Variants in POLR3A observed in about 807,000 individuals in gnomAD.
POLR3A encodes DNA-directed RNA polymerase III subunit RPC1.
Under a neutral mutation model 152.8 loss-of-function variants are expected in POLR3A, and 112 were observed. That is an observed-to-expected ratio of 0.73 (90% CI 0.63 to 0.86). The LOEUF (loss-of-function observed/expected upper bound fraction) is 0.86. Among genes scored for constraint, POLR3A ranks in the 40% least tolerant of loss-of-function variants. The probability of loss-of-function intolerance (pLI) is 0.00; values close to 1 mark genes in which losing one functional copy is unlikely to be tolerated. For missense variants in POLR3A, 1,385 were observed against 1,743.1 expected (o/e 0.79, Z 3.66); for synonymous variants, 615 against 652.1 (o/e 0.94, Z 0.87).
At position 78,014,102 on chromosome 10, in the gene POLR3A, A is replaced by G. The variant is rs1847493316; in HGVS notation, c.1432-312T>C. On this transcript the variant is annotated intron_variant, in intron 10 of 30. Transcript: ENST00000372371. ...AACCCAGGAGGTGGAGGTTGCAGTG[A>G]GCCAAGATCGCGCCATTGCACCCCA... Among the ~76,000 whole-genome samples the G allele has an allele frequency of 2.0e-5, 3 of 151,768 alleles. No homozygotes were observed. In the South Asian group the frequency reaches 6.3e-4, roughly 32 times the overall value.
At chr10:78,008,947 G>A (rs1847436741) in intron 14 of POLR3A, among the ~76,000 whole-genome samples, 1 of 151,696 alleles carries the variant, frequency 6.6e-6, no homozygotes, top group South Asian at 2.1e-4. Flanking sequence ...GAGGTCAGGA[G>A]TTCAAGACCA....
intron 11 of POLR3A, chr10:78,013,196 A>G (rs1288039547): frequency 1.1e-5 from 3 of 266,482 alleles, no homozygotes; most frequent in Non-Finnish European, 2.2e-5. Flanking sequence ...GAAGTATGTA[A>G]TATAGTTTAG....
intron 19 of POLR3A, 75 bp from the exon 20 acceptor site, chr10:77,993,442 T>C (rs1847269162): frequency 9.4e-7 from 1 of 1,064,020 alleles, no homozygotes; most frequent in African/African-American, 1.6e-5. Flanking sequence ...GATTTGCAAC[T>C]CAAGAGTCTC....
chr10:78,003,722 A>T, intron 16 of POLR3A, among the ~76,000 whole-genome samples: 1 of 152,106 alleles, frequency 6.6e-6, no homozygotes, highest in Non-Finnish European at 1.5e-5. Flanking sequence ...CAGGAGTTCG[A>T]GACCAGGCTG....
chr10:77,987,457 C>A (rs748888324), intron 21 of POLR3A, among the ~76,000 whole-genome samples: 1 of 152,004 alleles, frequency 6.6e-6, no homozygotes, highest in African/African-American at 2.4e-5. Context: ...GGGCAGACTG[C>A]GTACTGTGGT....
At chr10:77,992,324 T>C (rs981551224) in intron 20 of POLR3A, among the ~76,000 whole-genome samples, 2 of 151,364 alleles carry the variant, frequency 1.3e-5, no homozygotes, top group African/African-American at 4.9e-5. Flanking sequence ...CAGGCTGGAA[T>C]GTAGTGGTAA....
Position 77,976,539 on chromosome 10 carries a change from AAC to A in POLR3A, c.*937_*938del, listed in dbSNP as rs1192292208. 1 of 152,228 alleles carries A rather than the reference AAC, an allele frequency of 6.6e-6. No homozygotes were observed. Among genetic ancestry groups the A allele is most frequent in the Non-Finnish European group, 1.5e-5 (1 of 68,054 alleles). 9.4% of individuals were successfully genotyped at this position (152,228 alleles called of 1,614,324 possible). A position where few individuals can be genotyped will look rare whatever the true frequency, so the allele number is the denominator to read the frequency against. On this transcript the variant is annotated 3_prime_UTR_variant, in exon 31 of 31. Coordinates refer to ENST00000372371, the MANE Select transcript of POLR3A (RefSeq NM_007055.4). The stretch of plus-strand genomic sequence containing the variant: ...AGTAGGAAGGGAAAGCACTCATTCT[AAC>A]ACAGATCCAAGAACCAATGGCTACC...
At chr10:78,003,561 A>C (rs911151496) in intron 16 of POLR3A, among the ~76,000 whole-genome samples, 1 of 152,136 alleles carries the variant, frequency 6.6e-6, no homozygotes, top group African/African-American at 2.4e-5. Context: ...CAGGCTGGGG[A>C]TGTGACTATT....
Position 78,006,039 on chromosome 10 carries a change from A to T in POLR3A, c.2075-1151T>A, listed in dbSNP as rs548660553. ...TTCAGGAAGCAAATATAATAAAACTATGAATAATATTCTCTCAGAGTGATC... is the reference window on the plus strand; with the variant it reads ...TTCAGGAAGCAAATATAATAAAACTTTGAATAATATTCTCTCAGAGTGATC... On this transcript the variant is annotated intron_variant, in intron 15 of 30. Coordinates refer to ENST00000372371, the MANE Select transcript of POLR3A (RefSeq NM_007055.4). 2.6e-5 allele frequency among the ~76,000 whole-genome samples: 4 copies of T among 152,324 alleles called. No individual in the cohort carries two copies. In the East Asian group the frequency reaches 7.7e-4, roughly 29 times the overall value.
At chr10:78,026,793 C>T (rs762975457) in intron 1 of POLR3A, among the ~76,000 whole-genome samples, 1 of 152,244 alleles carries the variant, frequency 6.6e-6, no homozygotes, top group African/African-American at 2.4e-5. Context: ...AGGCCAGCTA[C>T]TGCTACCCAA....
At chr10:78,014,796 G>A (rs1317800381) in intron 10 of POLR3A, among the ~76,000 whole-genome samples, 3 of 152,084 alleles carry the variant, frequency 2.0e-5, no homozygotes, top group Admixed American at 6.6e-5. Flanking sequence ...AAAGGAAAAA[G>A]ACTTAACCAT....
At chr10:77,980,402 T>A in intron 29 of POLR3A, 129 bp from the exon 30 acceptor site, 1 of 820,850 alleles carries the variant, frequency 1.2e-6, no homozygotes, top group Non-Finnish European at 2.0e-6. Context: ...TGAAAGGCCC[T>A]GAGGAGCTAT....
intron 20 of POLR3A, among the ~76,000 whole-genome samples, chr10:77,992,046 C>T (rs898693659): frequency 3.3e-5 from 5 of 152,104 alleles, no homozygotes; most frequent in African/African-American, 9.7e-5. Flanking sequence ...AAAAGGGACA[C>T]GTATTTAAAA....
intron 13 of POLR3A, 91 bp downstream of exon 13, chr10:78,009,773 C>T: frequency 6.2e-7 from 1 of 1,610,154 alleles, no homozygotes; most frequent in East Asian, 2.2e-5. Context: ...GCACTCAAGC[C>T]TAGCACCAAC....
At chr10:77,997,626 C>T (rs1386819687) in intron 19 of POLR3A, among the ~76,000 whole-genome samples, 14 of 152,190 alleles carry the variant, frequency 9.2e-5, no homozygotes, top group Middle Eastern at 3.4e-3. Context: ...TCAAGGAGAA[C>T]TAAAAACCAC....
At chr10:77,981,737 C>T (rs1379701507) in intron 28 of POLR3A, among the ~76,000 whole-genome samples, 178 bp from the exon 29 acceptor site, 1 of 151,782 alleles carries the variant, frequency 6.6e-6, no homozygotes, top group Non-Finnish European at 1.5e-5. Flanking sequence ...GAGAAGTATG[C>T]TGGGAGGCCG....
At chr10:77,990,988 C>A (rs888576299) in intron 21 of POLR3A, 66 bp downstream of exon 21, 24 of 898,824 alleles carry the variant, frequency 2.7e-5, no homozygotes, top group Middle Eastern at 2.8e-4. Flanking sequence ...CTTGCCAGCC[C>A]TTGGCAAACA....
intron 8 of POLR3A, 84 bp from the exon 9 acceptor site, chr10:78,019,349 T>G: frequency 2.0e-6 from 2 of 978,100 alleles, no homozygotes; most frequent in South Asian, 2.6e-5. Context: ...TAATCTTTAC[T>G]TTCCTTGTTC....
intron 11 of POLR3A, among the ~76,000 whole-genome samples, chr10:78,010,835 TAAG>T (rs894368994): frequency 3.3e-5 from 5 of 151,846 alleles, no homozygotes; most frequent in East Asian, 3.8e-4. Context: ...TCTACCCATG[TAAG>T]AAGATTTTAT....
Sources: gnomAD v4.1 joint callset for allele counts (sites outside exome capture counted in the v4.1 genomes callset) on GRCh38, gnomAD v4.1.1 for gene constraint, MANE v1.5 for transcripts, NCBI Gene and HGNC (gene_info 2026-07-23, HGNC 2026-07-21) for gene names.